Variants in TSPAN9 observed in about 807,000 individuals in gnomAD.
TSPAN9 encodes the protein tetraspanin-9.
In TSPAN9, 16 loss-of-function variants were observed where a neutral mutation model predicts 31.0. That is an observed-to-expected ratio of 0.52 (90% CI 0.35 to 0.78). The LOEUF is 0.78. Among genes scored for constraint, TSPAN9 ranks in the 30% least tolerant of loss-of-function variants. The pLI is 0.01. For missense variants in TSPAN9, 272 were observed against 312.5 expected, an observed-to-expected ratio of 0.87 and a Z score of 0.98; for synonymous variants, 145 against 121.6, an observed-to-expected ratio of 1.19 and a Z score of -1.27.
intron 6 of TSPAN9, 33 bp from the exon 7 acceptor site, chr12:3,281,164 AT>A: frequency 1.3e-6 from 2 of 1,549,932 alleles, no homozygotes; most frequent in African/African-American, 1.4e-5. Context: ...GGGCCATGGC[AT>A]GTCTGACTGC....
chr12:3,082,205 T>G (rs2098298301), intron 1 of TSPAN9, among the ~76,000 whole-genome samples: 1 of 152,182 alleles, frequency 6.6e-6, no homozygotes, highest in Non-Finnish European at 1.5e-5. Context: ...CACCATTGCA[T>G]GCAGCAAGTG....
intron 3 of TSPAN9, among the ~76,000 whole-genome samples, chr12:3,274,712 G>A (rs1862751434): frequency 6.6e-6 from 1 of 152,250 alleles, no homozygotes; most frequent in Admixed American, 6.5e-5. Flanking sequence ...TTGCCGGGAG[G>A]CTCTGTTAGT....
chr12:3,157,940 T>C (rs1197626954), intron 2 of TSPAN9, among the ~76,000 whole-genome samples: 1 of 152,186 alleles, frequency 6.6e-6, no homozygotes, highest in Non-Finnish European at 1.5e-5. Flanking sequence ...GCACCCGGGC[T>C]TTTGTTCACT....
intron 3 of TSPAN9, among the ~76,000 whole-genome samples, chr12:3,216,387 T>C (rs2098381412): frequency 6.6e-6 from 1 of 151,996 alleles, no homozygotes. Flanking sequence ...CCCCGAGATG[T>C]CCAAGCTCAC....
chr12:3,085,690 G>T (rs985297810), intron 2 of TSPAN9, among the ~76,000 whole-genome samples: 4 of 152,182 alleles, frequency 2.6e-5, no homozygotes, highest in African/African-American at 4.8e-5. Context: ...AAAGCGGCAG[G>T]TTGGGTGACC....
intron 3 of TSPAN9, among the ~76,000 whole-genome samples, chr12:3,271,186 G>A (rs1487398539): frequency 6.6e-6 from 1 of 152,248 alleles, no homozygotes; most frequent in African/African-American, 2.4e-5. Context: ...CAAAGTGAAG[G>A]TATGAAGGTG....
At position 3,192,937 on chromosome 12, in the gene TSPAN9, G is replaced by A. The variant is rs2098365193; in HGVS notation, c.-17-8240G>A. On this transcript the variant is annotated intron_variant, in intron 2 of 8. Transcript: ENST00000011898. This position sits in a 1 kb window ranked among gnomAD's most constrained non-coding sequence, Gnocchi z 4.6. The stretch of plus-strand genomic sequence containing the variant: ...ATGTTGACTATAATAAGTATTGTTG[G>A]GAATGATAATAGTGCCTCCATCCAT... 6.6e-6 allele frequency among the ~76,000 whole-genome samples: 1 copy of A among 152,052 alleles called. No homozygotes were observed. Among genetic ancestry groups the A allele is most frequent in the East Asian group, 1.9e-4 (1 of 5,204 alleles).
intron 2 of TSPAN9, among the ~76,000 whole-genome samples, chr12:3,136,341 T>C (rs1358854965): frequency 1.3e-5 from 2 of 152,244 alleles, no homozygotes; most frequent in African/African-American, 4.8e-5. Context: ...CCACTCATCG[T>C]GGGCATTCTT....
chr12:3,114,374 G>A (rs1379228510), intron 2 of TSPAN9, among the ~76,000 whole-genome samples: 8 of 152,120 alleles, frequency 5.3e-5, no homozygotes, highest in Admixed American at 5.2e-4. Flanking sequence ...ACAGGCGATG[G>A]GCTGTATTTG....
intron 2 of TSPAN9, among the ~76,000 whole-genome samples, chr12:3,105,241 C>T (rs1328708878): frequency 1.3e-5 from 2 of 152,144 alleles, no homozygotes; most frequent in South Asian, 2.1e-4. Flanking sequence ...TGGAGGAGTG[C>T]GGCAGATGTG....
At chr12:3,090,369 A>C (rs1028568742) in intron 2 of TSPAN9, among the ~76,000 whole-genome samples, 1 of 152,216 alleles carries the variant, frequency 6.6e-6, no homozygotes, top group African/African-American at 2.4e-5. Flanking sequence ...TGGTCTCTGC[A>C]GTCTTGCCTG....
At position 3,168,997 on chromosome 12, in the gene TSPAN9, T is replaced by C. The variant is rs1418892709; in HGVS notation, c.-17-32180T>C. ...ATGAAGTGTGTGTACGCTTCTCTTT[T>C]CGTCATTTCTCTCCTCATTCCAGAC... On this transcript the variant is annotated intron_variant, in intron 2 of 8. Transcript: ENST00000011898. The surrounding 1 kb of genome is among the most constrained non-coding windows in gnomAD (Gnocchi z 4.0). Among the ~76,000 whole-genome samples the C allele has an allele frequency of 6.6e-6, 1 of 152,204 alleles. No homozygotes were observed. Among genetic ancestry groups the C allele is most frequent in the African/African-American group, 2.4e-5 (1 of 41,460 alleles).
At chr12:3,139,603 C>T (rs948348486) in intron 2 of TSPAN9, among the ~76,000 whole-genome samples, 4 of 152,210 alleles carry the variant, frequency 2.6e-5, no homozygotes, top group Non-Finnish European at 5.9e-5. Context: ...GGGTCTTGCT[C>T]TGTCACCCAG....
chr12:3,140,019 A>G (rs898124933), intron 2 of TSPAN9, among the ~76,000 whole-genome samples: 1 of 152,166 alleles, frequency 6.6e-6, no homozygotes, highest in Admixed American at 6.5e-5. Flanking sequence ...GCTTTGCACT[A>G]TCGCCTTAGC....
intron 3 of TSPAN9, among the ~76,000 whole-genome samples, chr12:3,276,022 G>T (rs957492722): frequency 6.6e-6 from 1 of 152,290 alleles, no homozygotes; most frequent in East Asian, 1.9e-4. Context: ...CTCCTCCGTA[G>T]CCTCCTGGTA....
At chr12:3,209,769 C>CT (rs1423999408) in intron 3 of TSPAN9, among the ~76,000 whole-genome samples, 1 of 151,458 alleles carries the variant, frequency 6.6e-6, no homozygotes, top group Non-Finnish European at 1.5e-5. Flanking sequence ...ACCATCCTGG[C>CT]TAACACGGTG....
intron 2 of TSPAN9, among the ~76,000 whole-genome samples, chr12:3,118,255 C>CTTTTTTTTTTTTTTTTTTT (rs2098323349): frequency 5.0e-5 from 1 of 20,116 alleles, no homozygotes; most frequent in Non-Finnish European, 1.6e-4. Context: ...CTGCACCCGC[C>CTTTTTTTTTTTTTTTTTTT]GTTTTTTTTT....
At position 3,168,754 on chromosome 12, in the gene TSPAN9, T is replaced by A. The variant is rs2098350031; in HGVS notation, c.-17-32423T>A. Among the ~76,000 whole-genome samples, 1 of 152,190 alleles carries A rather than the reference T, an allele frequency of 6.6e-6. No homozygotes were observed. Among genetic ancestry groups the A allele is most frequent in the Admixed American group, 6.5e-5 (1 of 15,280 alleles). ...ACCAGGTCCTGTCTCTCTGGGAAGC[T>A]GAGGCCACTCTCCGCCCCCTCTCTT... On this transcript the variant is annotated intron_variant, in intron 2 of 8. Transcript: ENST00000011898. The surrounding 1 kb of genome is among the most constrained non-coding windows in gnomAD (Gnocchi z 4.0).
At chr12:3,223,902 G>C (rs1280491206) in intron 3 of TSPAN9, among the ~76,000 whole-genome samples, 1 of 152,096 alleles carries the variant, frequency 6.6e-6, no homozygotes, top group Non-Finnish European at 1.5e-5. Context: ...ACAGAATAGG[G>C]ATGCTGGGTT....
Sources: allele counts gnomAD v4.1 joint callset (sites outside exome capture counted in the v4.1 genomes callset), GRCh38; gene constraint gnomAD v4.1.1; non-coding constraint Gnocchi (gnomAD v3.1); transcripts MANE v1.5; gene names NCBI Gene and HGNC (gene_info 2026-07-23, HGNC 2026-07-21).